TEX2: variants seen among roughly 807,000 people sequenced by gnomAD.
TEX2 encodes the protein testis expressed 2, also known as testis-expressed protein 2.
In TEX2, 53 loss-of-function variants were observed where a neutral mutation model predicts 106.9. The ratio of observed to expected loss-of-function variants is 0.50; its 90% CI spans 0.40 to 0.62. TEX2 has a LOEUF of 0.62. TEX2 is among the 20% of genes least tolerant of loss of function. TEX2 has a pLI of 0.00. For synonymous variants in TEX2, 523 were observed against 534.8 expected, an observed-to-expected ratio of 0.98 and a Z score of 0.30; for missense variants, 1,207 against 1,379.0, an observed-to-expected ratio of 0.88 and a Z score of 1.98.
At chr17:64,149,209 G>C in intron 11 of TEX2, 118 bp from the exon 12 acceptor site, 1 of 1,114,332 alleles carries the variant, frequency 9.0e-7, no homozygotes, top group Non-Finnish European at 1.3e-6. Context: ...ATAAAAACTT[G>C]CTATGCATTC....
rs78514503 is a variant in TEX2 at position 64,175,708 on chromosome 17, C to G, written c.2571+1617G>C. On this transcript the variant is annotated intron_variant, in intron 6 of 11. Transcript: ENST00000584379. Reference sequence around the variant, plus strand: ...CCTCTTGCCTCTGCAACCCAAGTATCTGGGACCACAGGTGTGCACCAGCAC... The same window carrying G: ...CCTCTTGCCTCTGCAACCCAAGTATGTGGGACCACAGGTGTGCACCAGCAC... 3.1e-3 allele frequency among the ~76,000 whole-genome samples: 468 copies of G among 152,340 alleles called. 2 individuals are homozygous for G. Among genetic ancestry groups the G allele is most frequent in the African/African-American group, 0.011 (443 of 41,572 alleles).
intron 5 of TEX2, among the ~76,000 whole-genome samples, chr17:64,184,777 G>C (rs2032013801): frequency 6.6e-6 from 1 of 152,166 alleles, no homozygotes; most frequent in Non-Finnish European, 1.5e-5. Context: ...GTGAGGTAGA[G>C]GGCCAGCTCC....
rs1401179830 is a variant in TEX2, at chr17:64,193,665, A to G, written c.2070T>C (p.Phe690=). The change falls in exon 4 of 12, where the codon TTT becomes TTC. Residue 690 remains phenylalanine (F), a synonymous_variant. Coordinates refer to ENST00000584379, the MANE Select transcript of TEX2 (RefSeq NM_001288732.2). ...SSQRDQILYL[F]GRTGREKEEW... ...CCTCTTTTTCTCGGCCAGTTCTCCC[A>G]AAGAGATAGAGTATCTGATCTCGCT... 1.3e-6 allele frequency: 2 copies of G among 1,577,724 alleles called. No homozygotes were observed. The highest frequency in any genetic ancestry group is 1.9e-5 in the Admixed American group (1 of 53,504).
chr17:64,249,790 T>C (rs2034057125), intron 1 of TEX2, among the ~76,000 whole-genome samples: 1 of 152,134 alleles, frequency 6.6e-6, no homozygotes, highest in African/African-American at 2.4e-5. Flanking sequence ...ATGATCACAG[T>C]CAGCCTTAAG....
At chr17:64,258,106 T>C (rs907574273) in intron 1 of TEX2, among the ~76,000 whole-genome samples, 10 of 152,032 alleles carry the variant, frequency 6.6e-5, no homozygotes, top group African/African-American at 2.4e-4. Context: ...GAGATGGGGT[T>C]TCACTGTGTT....
intron 1 of TEX2, among the ~76,000 whole-genome samples, chr17:64,234,977 C>T (rs531174317): frequency 5.9e-4 from 90 of 152,138 alleles, no homozygotes; most frequent in African/African-American, 2.1e-3. Context: ...AGCGCATGAC[C>T]CAGTCCAGTA....
At chr17:64,258,739 C>T (rs1386809128) in intron 1 of TEX2, among the ~76,000 whole-genome samples, 1 of 149,630 alleles carries the variant, frequency 6.7e-6, no homozygotes, top group Non-Finnish European at 1.5e-5. Context: ...ACTAAGAAAT[C>T]AACTCTTCAT....
At chr17:64,196,768 C>T (rs1409386175) in intron 2 of TEX2, among the ~76,000 whole-genome samples, 20 of 152,098 alleles carry the variant, frequency 1.3e-4, no homozygotes, top group African/African-American at 4.3e-4. Context: ...TGGCAAATTA[C>T]ATTCATTGAC....
At chr17:64,162,723 A>T (rs2030944952) in intron 7 of TEX2, among the ~76,000 whole-genome samples, 1 of 152,136 alleles carries the variant, frequency 6.6e-6, no homozygotes, top group African/African-American at 2.4e-5. Context: ...AAGAGCAAGG[A>T]GCCCAGTCAC....
intron 10 of TEX2, among the ~76,000 whole-genome samples, chr17:64,151,875 G>A (rs963131243): frequency 6.6e-6 from 1 of 151,996 alleles, no homozygotes; most frequent in East Asian, 1.9e-4. Flanking sequence ...ATTAACAGTG[G>A]TTATTTCTGG....
Position 64,148,952 on chromosome 17 carries a change from A to G in TEX2, c.*17T>C. 2 of 1,613,914 alleles carry G rather than the reference A, an allele frequency of 1.2e-6. No individual in the cohort carries two copies. The highest frequency in any genetic ancestry group is 1.7e-6 in the Non-Finnish European group (2 of 1,179,906). On this transcript the variant is annotated 3_prime_UTR_variant, in exon 12 of 12. Transcript: ENST00000584379. ...CCAGCTCGATGTCACAATATGGGGAACATCTGACATCACCCATCATGGCTG... is the reference window on the plus strand; with the variant it reads ...CCAGCTCGATGTCACAATATGGGGAGCATCTGACATCACCCATCATGGCTG...
intron 7 of TEX2, among the ~76,000 whole-genome samples, chr17:64,167,081 C>T (rs1289684733): frequency 1.3e-5 from 2 of 152,168 alleles, no homozygotes; most frequent in Non-Finnish European, 2.9e-5. Flanking sequence ...GCCTATCGTC[C>T]AGCCATCTGC....
At position 64,212,619 on chromosome 17, in the gene TEX2, G is replaced by A. The variant is rs781905783; in HGVS notation, c.1599C>T (p.His533=). The A allele has an allele frequency of 2.8e-5, 46 of 1,614,082 alleles. No homozygotes were observed. Among genetic ancestry groups the A allele is most frequent in the Non-Finnish European group, 2.4e-5 (28 of 1,180,032 alleles). ...KYHKLHKNLR[H]WNTRSLDIKE... ...TGATATCCAGAGATCTTGTGTTCCAGTGTCGCAGATTTTTGTGTAACTTGT... is the reference window on the plus strand; with the variant it reads ...TGATATCCAGAGATCTTGTGTTCCAATGTCGCAGATTTTTGTGTAACTTGT... Residue 533 remains histidine, a synonymous_variant, in exon 2 of 12, where the codon CAC becomes CAT. Transcript: ENST00000584379.
intron 7 of TEX2, among the ~76,000 whole-genome samples, chr17:64,168,919 T>G (rs1017057951): frequency 6.6e-6 from 1 of 150,894 alleles, no homozygotes; most frequent in African/African-American, 2.4e-5. Context: ...TTTTTTTTTT[T>G]GAGACAGATT....
intron 5 of TEX2, among the ~76,000 whole-genome samples, chr17:64,181,125 A>G (rs1276291169): frequency 2.6e-5 from 4 of 152,062 alleles, no homozygotes; most frequent in Non-Finnish European, 5.9e-5. Context: ...CAGTTTTACT[A>G]TATTTTCTTT....
chr17:64,152,297 A>G (rs2030395782), intron 10 of TEX2, among the ~76,000 whole-genome samples: 1 of 152,204 alleles, frequency 6.6e-6, no homozygotes, highest in Non-Finnish European at 1.5e-5. Context: ...AGTGACTCTC[A>G]ACCCTGGCTT....
At chr17:64,251,518 C>T (rs2034091302) in intron 1 of TEX2, among the ~76,000 whole-genome samples, 1 of 152,210 alleles carries the variant, frequency 6.6e-6, no homozygotes, top group Non-Finnish European at 1.5e-5. Flanking sequence ...CAGTCCCTTC[C>T]TTCCAAAAGA....
At chr17:64,194,753 AGT>A (rs1278706199) in intron 3 of TEX2, 140 bp downstream of exon 3, 2 of 703,776 alleles carry the variant, frequency 2.8e-6, no homozygotes, top group Admixed American at 5.6e-5. Flanking sequence ...TAAACTTTAA[AGT>A]GTGAGAGGTA....
Position 64,213,459 on chromosome 17 carries a change from G to C in TEX2, c.759C>G (p.Pro253=), listed in dbSNP as rs1555632046. The change falls in exon 2 of 12, where the codon CCC becomes CCG. Residue 253 remains proline, a synonymous_variant. Coordinates refer to ENST00000584379, the MANE Select transcript of TEX2 (RefSeq NM_001288732.2). This position sits in a 1 kb window ranked among gnomAD's most constrained non-coding sequence, Gnocchi z 4.4. The stretch of plus-strand genomic sequence containing the variant: ...TTTTGGAATCTCCACCTGTGTTTCG[G>C]GGCTGTGTGAACTGCTTGAACAGGT... ...NLHLFKQFTQ[P]RNTGGDSKTA... is the part of the protein sequence containing the mutation. 2 of 1,614,164 alleles carry C rather than the reference G, an allele frequency of 1.2e-6. No homozygotes were observed. The highest frequency in any genetic ancestry group is 8.5e-7 in the Non-Finnish European group (1 of 1,180,032).
Sources: allele counts gnomAD v4.1 joint callset (sites outside exome capture counted in the v4.1 genomes callset), GRCh38; gene constraint gnomAD v4.1.1; non-coding constraint Gnocchi (gnomAD v3.1); transcripts MANE v1.5; gene names NCBI Gene and HGNC (gene_info 2026-07-23, HGNC 2026-07-21).